The following BZW2 variants were observed in gnomAD, a reference collection of about 807,000 sequenced individuals.
The protein encoded by BZW2 is basic leucine zipper and W2 domains 2.
A neutral mutation model predicts 53.2 loss-of-function variants in BZW2; 23 were observed. The ratio of observed to expected loss-of-function variants is 0.43; its 90% CI spans 0.31 to 0.61. The LOEUF (loss-of-function observed/expected upper bound fraction) is 0.61, where lower values mean the gene tolerates loss of function less well. Ranked by LOEUF, BZW2 falls within the 20% of genes least tolerant of loss-of-function variation. The pLI is 0.09. For missense variants in BZW2, 409 were observed against 503.1 expected, an observed-to-expected ratio of 0.81 and a Z score of 1.79; for synonymous variants, 227 against 186.4, an observed-to-expected ratio of 1.22 and a Z score of -1.77.
At chr7:16,701,379 A>C (rs1365374407) in intron 10 of BZW2, among the ~76,000 whole-genome samples, 2 of 152,142 alleles carry the variant, frequency 1.3e-5, no homozygotes, top group Non-Finnish European at 2.9e-5. Flanking sequence ...TGTTTGCAGA[A>C]ATTTTTTAGG....
chr7:16,662,117 C>CT, intron 1 of BZW2: 1 of 152,050 alleles, frequency 6.6e-6, no homozygotes, highest in Non-Finnish European at 1.5e-5. Flanking sequence ...AAGGCTGACC[C>CT]TTACTGGAGC....
chr7:16,696,853 G>C lies in BZW2; in HGVS notation c.823-62G>C, dbSNP rs73679839. ...AAAACCTTGATTGACTGGGCAGCTA[G>C]CGGGGAGATGGGAGCCCTCCATCTG... On this transcript the variant is annotated intron_variant, in intron 8 of 11. Coordinates refer to ENST00000258761, the MANE Select transcript of BZW2 (RefSeq NM_014038.3). 5.8e-6 allele frequency: 9 copies of C among 1,564,574 alleles called. No homozygotes were observed. In the African/African-American group the frequency reaches 6.8e-5, roughly 12 times the overall value.
At chr7:16,701,677 C>A (rs1045387651) in intron 10 of BZW2, among the ~76,000 whole-genome samples, 4 of 152,116 alleles carry the variant, frequency 2.6e-5, no homozygotes, top group African/African-American at 9.7e-5. Context: ...CATTAGAACT[C>A]TACAAATTGA....
chr7:16,694,192 C>T (rs553412198), intron 7 of BZW2, among the ~76,000 whole-genome samples: 2 of 152,242 alleles, frequency 1.3e-5, no homozygotes, highest in South Asian at 4.1e-4. Flanking sequence ...TGGTATATTG[C>T]TCTTTTTGAA....
At chr7:16,703,780 G>A (rs527756769) in intron 10 of BZW2, among the ~76,000 whole-genome samples, 1 of 152,112 alleles carries the variant, frequency 6.6e-6, no homozygotes, top group East Asian at 1.9e-4. Context: ...CTCAATTAAT[G>A]TTATGTTGAG....
chr7:16,672,629 A>G (rs761020094), intron 2 of BZW2, among the ~76,000 whole-genome samples: 65 of 152,094 alleles, frequency 4.3e-4, no homozygotes, highest in Non-Finnish European at 8.4e-4. Flanking sequence ...ATGGGTTTGG[A>G]AAAAAAGGGT....
intron 4 of BZW2, 26 bp downstream of exon 4, chr7:16,681,430 CATTTGAAG>C (rs779768155): frequency 2.5e-5 from 39 of 1,582,638 alleles, no homozygotes; most frequent in Non-Finnish European, 3.3e-5. Flanking sequence ...GAGACTGAAG[CATTTGAAG>C]AGGACTGAGG....
chr7:16,660,117 A>G (rs1782216005), intron 1 of BZW2, among the ~76,000 whole-genome samples: 2 of 152,036 alleles, frequency 1.3e-5, no homozygotes, highest in African/African-American at 4.8e-5. Flanking sequence ...TTTGCTGAGA[A>G]TGATGGTTTC....
At chr7:16,667,928 T>C (rs1184058770) in intron 2 of BZW2, among the ~76,000 whole-genome samples, 3 of 152,184 alleles carry the variant, frequency 2.0e-5, no homozygotes. Flanking sequence ...AAACACAAAG[T>C]GCTAACCAGA....
chr7:16,674,479 T>C lies in BZW2; in HGVS notation c.126T>C (p.Gly42=). 6.2e-7 allele frequency: 1 copy of C among 1,613,634 alleles called. No individual in the cohort carries two copies. The highest frequency in any genetic ancestry group is 8.5e-7 in the Non-Finnish European group (1 of 1,179,684). ...DTLVQGLNEA[G]DDLEAVAKFL... ...TTGTCCAGGGGCTTAATGAGGCTGG[T>C]GATGACCTTGAAGCTGTAGCCAAAT... Residue 42 remains glycine (G), a synonymous_variant, in exon 3 of 12, where the codon GGT becomes GGC. Transcript: ENST00000258761.
chr7:16,692,205 A>G (rs1783330365), intron 7 of BZW2, among the ~76,000 whole-genome samples: 1 of 152,192 alleles, frequency 6.6e-6, no homozygotes, highest in African/African-American at 2.4e-5. Context: ...AATTTATAGC[A>G]ACTCAGAGAG....
At chr7:16,678,363 C>G (rs545633194) in intron 3 of BZW2, among the ~76,000 whole-genome samples, 1 of 152,008 alleles carries the variant, frequency 6.6e-6, no homozygotes, top group Non-Finnish European at 1.5e-5. Flanking sequence ...CTTAAAATAG[C>G]AGCTATCTTG....
Position 16,674,432 on chromosome 7 carries a change from C to A in BZW2, c.79C>A (p.Pro27Thr). Reference sequence around the variant, plus strand: ...TTTAGATGAAAAAGAGAAATTCGAACCCACAGTCTTCAGGGATACACTTGT... The same window carrying A: ...TTTAGATGAAAAAGAGAAATTCGAAACCACAGTCTTCAGGGATACACTTGT... ...RKRDEKEKFE[P>T]TVFRDTLVQG... Residue 27 changes from proline to threonine, a missense_variant, in exon 3 of 12, where the codon CCC becomes ACC. Pro to Thr is a conservative substitution (Grantham distance 38). Transcript: ENST00000258761. 6.3e-7 allele frequency: 1 copy of A among 1,583,698 alleles called. No individual in the cohort carries two copies. Among genetic ancestry groups the A allele is most frequent in the Non-Finnish European group, 8.6e-7 (1 of 1,167,848 alleles).
chr7:16,705,502 A>G (rs1196975731), intron 11 of BZW2, among the ~76,000 whole-genome samples: 10 of 152,016 alleles, frequency 6.6e-5, no homozygotes, highest in Admixed American at 2.0e-4. Context: ...TGCCTAACAC[A>G]GTGAAACCGT....
intron 10 of BZW2, among the ~76,000 whole-genome samples, chr7:16,702,270 T>C (rs1440461225): frequency 6.6e-6 from 1 of 152,166 alleles, no homozygotes; most frequent in African/African-American, 2.4e-5. Flanking sequence ...TAATTTCTTC[T>C]TAAACTCTTC....
intron 1 of BZW2, among the ~76,000 whole-genome samples, chr7:16,652,083 C>T (rs901325456): frequency 1.3e-5 from 2 of 152,134 alleles, no homozygotes; most frequent in South Asian, 2.1e-4. Context: ...GGGCAGGGAT[C>T]GTTCTGCTTT....
At chr7:16,703,560 A>G (rs2128371919) in intron 10 of BZW2, among the ~76,000 whole-genome samples, 1 of 152,346 alleles carries the variant, frequency 6.6e-6, no homozygotes, top group African/African-American at 2.4e-5. Flanking sequence ...ATATGGCTTT[A>G]TCAGTATTTG....
chr7:16,668,881 C>T (rs1314439181), intron 2 of BZW2, among the ~76,000 whole-genome samples: 1 of 152,212 alleles, frequency 6.6e-6, no homozygotes, highest in Admixed American at 6.5e-5. Flanking sequence ...ATATATTCTC[C>T]AAAGTAATTA....
intron 1 of BZW2, among the ~76,000 whole-genome samples, chr7:16,656,577 A>G (rs1782131235): frequency 6.6e-6 from 1 of 151,996 alleles, no homozygotes; most frequent in Non-Finnish European, 1.5e-5. Context: ...ACACACACAC[A>G]CACACACACA....
Sources: gnomAD v4.1 joint callset for allele counts (sites outside exome capture counted in the v4.1 genomes callset) on GRCh38, gnomAD v4.1.1 for gene constraint, MANE v1.5 for transcripts, NCBI Gene and HGNC (gene_info 2026-07-23, HGNC 2026-07-21) for gene names.